LRBA: variants seen among roughly 807,000 people sequenced by gnomAD.
LRBA encodes the protein LPS responsive beige-like anchor protein.
In LRBA, 176 loss-of-function variants were observed where a neutral mutation model predicts 330.0. That is an observed-to-expected ratio of 0.53 (90% CI 0.47 to 0.60). The LOEUF is 0.60. Among genes scored for constraint, LRBA ranks in the 20% least tolerant of loss-of-function variants. LRBA has a pLI of 0.00. For missense variants in LRBA, 3,259 were observed against 3,444.8 expected, an observed-to-expected ratio of 0.95 and a Z score of 1.35; for synonymous variants, 1,230 against 1,193.0, an observed-to-expected ratio of 1.03 and a Z score of -0.64.
intron 40 of LRBA, among the ~76,000 whole-genome samples, chr4:150,503,092 G>A (rs570464240): frequency 6.6e-6 from 1 of 152,350 alleles, no homozygotes; most frequent in South Asian, 2.1e-4. Context: ...AGCTCAAGGA[G>A]GCCTGCCTGC....
chr4:150,964,345 C>T (rs1188725891), intron 2 of LRBA, among the ~76,000 whole-genome samples: 8 of 149,694 alleles, frequency 5.3e-5, no homozygotes, highest in African/African-American at 1.0e-4. Context: ...TCATTGAGAA[C>T]GGGCCATGAT....
chr4:150,562,118 A>T (rs1331200883), intron 40 of LRBA, among the ~76,000 whole-genome samples: 1 of 151,788 alleles, frequency 6.6e-6, no homozygotes, highest in Non-Finnish European at 1.5e-5. Flanking sequence ...TTGCTCACAC[A>T]GTATCTCCTG....
intron 35 of LRBA, among the ~76,000 whole-genome samples, chr4:150,749,625 G>A (rs1733261042): frequency 6.6e-6 from 1 of 152,116 alleles, no homozygotes; most frequent in South Asian, 2.1e-4. Context: ...AGCTGGGCAT[G>A]GTGGCATGTG....
chr4:150,289,226 A>G (rs749425572), intron 53 of LRBA, among the ~76,000 whole-genome samples: 20 of 152,182 alleles, frequency 1.3e-4, no homozygotes, highest in Non-Finnish European at 2.4e-4. Flanking sequence ...TTGTTTACAA[A>G]ATACTAGTTT....
At position 150,516,215 on chromosome 4, in the gene LRBA, C is replaced by CTTTTTTTTTTTTTTTTTTTT. The variant is rs1384014823; in HGVS notation, c.6331-25181_6331-25180insAAAAAAAAAAAAAAAAAAAA. On this transcript the variant is annotated intron_variant, in intron 40 of 56. Transcript: ENST00000651943. ...GTAATTCAGTCTGACATTTTCTATT[C>CTTTTTTTTTTTTTTTTTTTT]TCTTTTTTTTTTTTTTTTTTTTTTT... Among the ~76,000 whole-genome samples, 28 of 86,712 alleles carry CTTTTTTTTTTTTTTTTTTTT rather than the reference C, an allele frequency of 3.2e-4. 13 individuals are homozygous for CTTTTTTTTTTTTTTTTTTTT. The highest frequency in any genetic ancestry group is 3.3e-4 in the Non-Finnish European group (15 of 45,162). The allele number at this position is 86,712 out of a possible 152,430, so 56.9% of individuals were successfully genotyped here.
intron 4 of LRBA, among the ~76,000 whole-genome samples, chr4:150,925,926 A>G (rs948245454): frequency 1.3e-5 from 2 of 152,082 alleles, no homozygotes; most frequent in African/African-American, 4.8e-5. Context: ...TCAAACAAAA[A>G]CAGTTTTCAG....
chr4:150,505,696 C>G (rs1760973177), intron 40 of LRBA, among the ~76,000 whole-genome samples: 1 of 152,126 alleles, frequency 6.6e-6, no homozygotes, highest in Non-Finnish European at 1.5e-5. Flanking sequence ...CAAACACATT[C>G]AAAAGCTAGC....
intron 47 of LRBA, among the ~76,000 whole-genome samples, chr4:150,373,170 T>TGTGA (rs1196494847): frequency 9.0e-6 from 1 of 111,488 alleles, no homozygotes; most frequent in Non-Finnish European, 1.9e-5. Context: ...TGTGTGTGTG[T>TGTGA]GTGAGAGAGA....
intron 42 of LRBA, among the ~76,000 whole-genome samples, chr4:150,475,512 T>C (rs1447521085): frequency 6.6e-6 from 1 of 152,172 alleles, no homozygotes; most frequent in Non-Finnish European, 1.5e-5. Context: ...TTTTGGCAAT[T>C]CTGTTTTTCT....
chr4:150,878,322 G>A (rs1369894920), intron 17 of LRBA, among the ~76,000 whole-genome samples: 1 of 152,014 alleles, frequency 6.6e-6, no homozygotes. Context: ...CTGGGTGACA[G>A]AGCAGGACTG....
At position 150,531,024 on chromosome 4, in the gene LRBA, G is replaced by C. The variant is rs150343014; in HGVS notation, c.6331-39989C>G. On this transcript the variant is annotated intron_variant, in intron 40 of 56. Transcript: ENST00000651943. ...CCAACTCCCAAGCCAATTTTACCCA[G>C]TGTTATTTCCTCAAAGCACTGTAGT... Among the ~76,000 whole-genome samples the C allele has an allele frequency of 2.1e-3, 316 of 152,176 alleles. 1 individual carries two copies. Among genetic ancestry groups the C allele is most frequent in the Non-Finnish European group, 1.2e-3 (79 of 68,012 alleles).
At chr4:150,891,143 G>A (rs1251887990) in intron 17 of LRBA, among the ~76,000 whole-genome samples, 2 of 152,038 alleles carry the variant, frequency 1.3e-5, no homozygotes, top group Non-Finnish European at 2.9e-5. Context: ...TATAAGCCTC[G>A]TTTGTTTTGT....
chr4:150,817,051 A>T, intron 31 of LRBA, 73 bp downstream of exon 31: 1 of 1,389,086 alleles, frequency 7.2e-7, no homozygotes, highest in Non-Finnish European at 1.0e-6. Flanking sequence ...ATTTTAAGTT[A>T]ATCAAAAATC....
intron 40 of LRBA, among the ~76,000 whole-genome samples, chr4:150,548,527 A>G (rs1475994865): frequency 6.6e-6 from 1 of 152,236 alleles, no homozygotes; most frequent in Non-Finnish European, 1.5e-5. Context: ...GGAGAGTTCA[A>G]GATTCTAATG....
intron 52 of LRBA, among the ~76,000 whole-genome samples, chr4:150,304,214 A>C (rs1730067007): frequency 6.6e-6 from 1 of 152,150 alleles, no homozygotes; most frequent in South Asian, 2.1e-4. Flanking sequence ...AACTTCTTAA[A>C]AGGTTAAGGT....
At chr4:150,863,069 G>C (rs1579029268) in intron 22 of LRBA, among the ~76,000 whole-genome samples, 1 of 151,952 alleles carries the variant, frequency 6.6e-6, no homozygotes, top group Non-Finnish European at 1.5e-5. Context: ...AGGCCCAGGC[G>C]GGGGGCCACT....
Position 150,852,959 on chromosome 4 carries a change from A to G in LRBA, c.2767-16T>C, listed in dbSNP as rs771415334. The G allele has an allele frequency of 3.3e-6, 5 of 1,501,280 alleles. No individual in the cohort carries two copies. Among genetic ancestry groups the G allele is most frequent in the Non-Finnish European group, 4.5e-6 (5 of 1,118,676 alleles). The allele number at this position is 1,501,280 out of a possible 1,614,324, so 93.0% of individuals were successfully genotyped here. ...CAAAAGTGACCTAGGTGAAAAATGT[A>G]CAATCAGTTAAAATATGCATGAGAA... is the stretch of plus-strand genomic sequence containing the variant. On this transcript the variant is annotated splice_polypyrimidine_tract_variant and intron_variant, in intron 22 of 56. Coordinates refer to ENST00000651943, the MANE Select transcript of LRBA (RefSeq NM_001364905.1).
chr4:150,855,415 T>C (rs981223139), intron 22 of LRBA, among the ~76,000 whole-genome samples: 1 of 152,224 alleles, frequency 6.6e-6, no homozygotes, highest in African/African-American at 2.4e-5. Context: ...ATTTCTACAA[T>C]AGCCTGTGTT....
intron 53 of LRBA, among the ~76,000 whole-genome samples, chr4:150,292,126 G>C (rs1008902424): frequency 4.6e-5 from 7 of 152,152 alleles, no homozygotes; most frequent in Admixed American, 2.6e-4. Flanking sequence ...GCAACATTAA[G>C]TATATTTATC....
Sources: gnomAD v4.1 joint callset for allele counts (sites outside exome capture counted in the v4.1 genomes callset) on GRCh38, gnomAD v4.1.1 for gene constraint, MANE v1.5 for transcripts, NCBI Gene and HGNC (gene_info 2026-07-23, HGNC 2026-07-21) for gene names.